The following EZH2 variants were observed in gnomAD, a reference collection of about 807,000 sequenced individuals.
The protein encoded by EZH2 is enhancer of zeste 2 polycomb repressive complex 2 subunit, also known as histone-lysine N-methyltransferase EZH2.
In EZH2, 18 loss-of-function variants were observed where a neutral mutation model predicts 98.4. The observed-to-expected ratio is 0.18, with a 90% CI of 0.13 to 0.27. The LOEUF (loss-of-function observed/expected upper bound fraction) is 0.27, where lower values mean the gene tolerates loss of function less well. EZH2 is among the 10% of genes least tolerant of loss of function. EZH2 has a pLI of 1.00. For missense variants in EZH2, 470 were observed against 935.1 expected (o/e 0.50, Z 6.49); for synonymous variants, 338 against 312.3 (o/e 1.08, Z -0.87).
chr7:148,853,189 A>G, intron 1 of EZH2, among the ~76,000 whole-genome samples: 1 of 152,202 alleles, frequency 6.6e-6, no homozygotes. Context: ...AGGCAGGCAG[A>G]TCACTTGAGG....
chr7:148,869,744 T>C (rs1439224840), intron 1 of EZH2, among the ~76,000 whole-genome samples: 1 of 152,214 alleles, frequency 6.6e-6, no homozygotes, highest in African/African-American at 2.4e-5. Context: ...GGCACATACA[T>C]GGTAGATACT....
In EZH2 at chr7:148,815,050, A is replaced by G; in HGVS notation, c.1547-11T>C. On this transcript the variant is annotated splice_polypyrimidine_tract_variant and intron_variant, in intron 13 of 19. Transcript: ENST00000320356. Reference sequence around the variant, plus strand: ...GGTTAGAGGAGCCGTCTGAGTAAAGATAACATCATGCAGGCCAATGAATCC... The same window carrying G: ...GGTTAGAGGAGCCGTCTGAGTAAAGGTAACATCATGCAGGCCAATGAATCC... 2 of 1,612,982 alleles carry G rather than the reference A, an allele frequency of 1.2e-6. No individual in the cohort carries two copies. The highest frequency in any genetic ancestry group is 1.7e-6 in the Non-Finnish European group (2 of 1,179,462).
chr7:148,839,098 AAGG>A, intron 3 of EZH2, among the ~76,000 whole-genome samples: 1 of 148,680 alleles, frequency 6.7e-6, no homozygotes, highest in South Asian at 2.1e-4. Context: ...GGAAGGAAGG[AAGG>A]AAGGAAAGTG....
chr7:148,880,518 C>G (rs1880357), intron 1 of EZH2, among the ~76,000 whole-genome samples: 25,959 of 152,172 alleles, frequency 0.17, 2,366 homozygotes, highest in East Asian at 0.25. Context: ...CCAGATGATT[C>G]ATCAAGTTCT....
intron 8 of EZH2, among the ~76,000 whole-genome samples, chr7:148,823,588 G>A (rs1285174899): frequency 2.6e-5 from 4 of 151,166 alleles, no homozygotes; most frequent in African/African-American, 9.7e-5. Context: ...GGAAGAGTGA[G>A]GTAAAATTTC....
intron 3 of EZH2, among the ~76,000 whole-genome samples, chr7:148,845,438 C>T (rs1191871720): frequency 6.6e-6 from 1 of 152,138 alleles, no homozygotes; most frequent in Non-Finnish European, 1.5e-5. Context: ...TGTCACCTAA[C>T]AAAACGCATA....
intron 1 of EZH2, among the ~76,000 whole-genome samples, chr7:148,872,440 C>T (rs1349197977): frequency 2.0e-5 from 3 of 152,284 alleles, no homozygotes; most frequent in Admixed American, 1.3e-4. Flanking sequence ...TTTAACACTA[C>T]TGAACTGTAC....
chr7:148,840,664 G>T (rs186930898), intron 3 of EZH2, among the ~76,000 whole-genome samples: 13 of 152,124 alleles, frequency 8.5e-5, no homozygotes, highest in Non-Finnish European at 1.8e-4. Flanking sequence ...TGCCTTGTTG[G>T]GTAGCTTATG....
In EZH2 at chr7:148,866,993, C is replaced by T. The variant is rs1402389527; in HGVS notation, c.-8+17171G>A. Among the ~76,000 whole-genome samples, 7 of 148,312 alleles carry T rather than the reference C, an allele frequency of 4.7e-5. No homozygotes were observed. In the East Asian group the frequency reaches 1.1e-3, roughly 23 times the overall value. On this transcript the variant is annotated intron_variant, in intron 1 of 19. Coordinates refer to ENST00000320356, the MANE Select transcript of EZH2 (RefSeq NM_004456.5). ...CCTCCCAAAGTGCTGGGATTACAGACGTGAGCCACTGTGCCTGGCCAACTT... is the reference window on the plus strand; with the variant it reads ...CCTCCCAAAGTGCTGGGATTACAGATGTGAGCCACTGTGCCTGGCCAACTT...
At chr7:148,825,479 C>A (rs1397808945) in intron 8 of EZH2, among the ~76,000 whole-genome samples, 1 of 152,158 alleles carries the variant, frequency 6.6e-6, no homozygotes, top group Non-Finnish European at 1.5e-5. Context: ...CATTTCCAGA[C>A]CAATGTATTA....
chr7:148,838,645 C>G (rs773743499), intron 3 of EZH2, among the ~76,000 whole-genome samples: 1 of 152,108 alleles, frequency 6.6e-6, no homozygotes, highest in Non-Finnish European at 1.5e-5. Flanking sequence ...TAAAATGGAA[C>G]AGAGAGTATT....
At chr7:148,849,174 A>C (rs926192869) in intron 1 of EZH2, among the ~76,000 whole-genome samples, 3 of 152,152 alleles carry the variant, frequency 2.0e-5, no homozygotes, top group Non-Finnish European at 4.4e-5. Flanking sequence ...TGGATTTGGA[A>C]CTCACGGATA....
At chr7:148,857,642 T>C (rs1031790904) in intron 1 of EZH2, among the ~76,000 whole-genome samples, 1 of 152,006 alleles carries the variant, frequency 6.6e-6, no homozygotes, top group African/African-American at 2.4e-5. Flanking sequence ...TCCCAGCTAC[T>C]TGGGAGGCTA....
chr7:148,882,610 G>A (rs570127121), intron 1 of EZH2, among the ~76,000 whole-genome samples: 1 of 152,264 alleles, frequency 6.6e-6, no homozygotes, highest in East Asian at 1.9e-4. Flanking sequence ...AGTTGCTAAT[G>A]CTTATGAAGA....
chr7:148,868,698 A>C (rs1818894998), intron 1 of EZH2, among the ~76,000 whole-genome samples: 1 of 152,256 alleles, frequency 6.6e-6, no homozygotes, highest in Non-Finnish European at 1.5e-5. Flanking sequence ...GGGTAGAAAA[A>C]CATGACTTTT....
At chr7:148,831,933 G>T (rs937221966) in intron 4 of EZH2, among the ~76,000 whole-genome samples, 6 of 152,182 alleles carry the variant, frequency 3.9e-5, no homozygotes, top group Non-Finnish European at 5.9e-5. Flanking sequence ...TTCAGCTCAT[G>T]TTTCACAAGC....
chr7:148,875,372 G>A (rs921718554), intron 1 of EZH2, among the ~76,000 whole-genome samples: 1 of 152,140 alleles, frequency 6.6e-6, no homozygotes, highest in Non-Finnish European at 1.5e-5. Flanking sequence ...CAATCTGACA[G>A]ATAATGTGAC....
intron 15 of EZH2, among the ~76,000 whole-genome samples, chr7:148,812,714 T>C (rs866287641): frequency 2.6e-5 from 4 of 152,128 alleles, no homozygotes; most frequent in South Asian, 2.1e-4. Context: ...GGGGGGGAAA[T>C]TGAGATTTTT....
intron 3 of EZH2, among the ~76,000 whole-genome samples, chr7:148,846,181 G>C (rs543848529): frequency 5.9e-4 from 89 of 152,116 alleles, no homozygotes; most frequent in Admixed American, 3.8e-3. Context: ...GATCTGATGA[G>C]GACATTAAAG....
Sources: gnomAD v4.1 joint callset for allele counts (sites outside exome capture counted in the v4.1 genomes callset) on GRCh38, gnomAD v4.1.1 for gene constraint, MANE v1.5 for transcripts, NCBI Gene and HGNC (gene_info 2026-07-23, HGNC 2026-07-21) for gene names.